Variants in CTBP2 observed in about 807,000 individuals in gnomAD.
CTBP2 encodes the protein C-terminal binding protein 2, also known as C-terminal-binding protein 2.
In CTBP2, 30 loss-of-function variants were observed where a neutral mutation model predicts 80.3. The observed-to-expected ratio is 0.37, with a 90% confidence interval of 0.28 to 0.51. The LOEUF (loss-of-function observed/expected upper bound fraction) is 0.51. Ranked by LOEUF, CTBP2 falls within the 20% of genes least tolerant of loss-of-function variation. The pLI is 0.93. For missense variants in CTBP2, 1,212 were observed against 1,375.3 expected (o/e 0.88, Z 1.88); for synonymous variants, 594 against 587.4 (o/e 1.01, Z -0.16).
intron 1 of CTBP2, among the ~76,000 whole-genome samples, chr10:125,015,641 C>T (rs569084280): frequency 6.6e-6 from 1 of 152,230 alleles, no homozygotes; most frequent in Non-Finnish European, 1.5e-5. Context: ...CCTCAGTGCT[C>T]CCCGAAGCAC....
intron 1 of CTBP2, among the ~76,000 whole-genome samples, chr10:125,020,872 G>T (rs1956971215): frequency 2.0e-5 from 3 of 152,178 alleles, no homozygotes; most frequent in South Asian, 4.1e-4. Context: ...CTCTATGCAA[G>T]GTGGGCTTAC....
chr10:125,038,370 C>T (rs894946497), intron 3 of CTBP2, among the ~76,000 whole-genome samples: 1 of 152,088 alleles, frequency 6.6e-6, no homozygotes, highest in African/African-American at 2.4e-5. Context: ...AGCACTGACC[C>T]CATCTGGCAG....
intron 2 of CTBP2, among the ~76,000 whole-genome samples, chr10:125,061,430 C>A (rs950179486): frequency 2.0e-5 from 3 of 152,122 alleles, no homozygotes; most frequent in Admixed American, 1.3e-4. Flanking sequence ...CAGGGGAAGG[C>A]CAGAGAAGGC....
intron 4 of CTBP2, among the ~76,000 whole-genome samples, chr10:124,995,275 T>C (rs919787011): frequency 6.6e-6 from 1 of 152,218 alleles, no homozygotes; most frequent in Non-Finnish European, 1.5e-5. Context: ...CCTGTCCCAC[T>C]GGTGGGGCCT....
At chr10:125,003,725 C>A (rs573562715) in intron 1 of CTBP2, among the ~76,000 whole-genome samples, 4 of 152,206 alleles carry the variant, frequency 2.6e-5, no homozygotes, top group Non-Finnish European at 2.9e-5. Flanking sequence ...GCTTCCCTGC[C>A]AGCAGACCAT....
At chr10:125,125,455 G>A (rs1342582869) in intron 1 of CTBP2, among the ~76,000 whole-genome samples, 3 of 152,240 alleles carry the variant, frequency 2.0e-5, no homozygotes, top group Non-Finnish European at 2.9e-5. Flanking sequence ...ACAACAGTCT[G>A]GTCTATTCTG....
At chr10:125,133,828 T>C (rs763529759) in intron 1 of CTBP2, among the ~76,000 whole-genome samples, 2 of 152,238 alleles carry the variant, frequency 1.3e-5, no homozygotes, top group Admixed American at 6.5e-5. Context: ...CTCCACACTG[T>C]GAGCTCTTTA....
chr10:125,144,863 A>T (rs908012030), intron 1 of CTBP2, among the ~76,000 whole-genome samples: 10 of 152,336 alleles, frequency 6.6e-5, no homozygotes, highest in African/African-American at 2.4e-4. Context: ...TCTAGCAGGT[A>T]TGCTCTGACA....
chr10:125,041,845 G>T (rs74623210), intron 2 of CTBP2, among the ~76,000 whole-genome samples: 2,719 of 151,502 alleles, frequency 0.018, 85 homozygotes, highest in African/African-American at 0.063. Context: ...ATGGCTTCCT[G>T]AAAAATTGAT....
intron 1 of CTBP2, among the ~76,000 whole-genome samples, chr10:125,003,851 A>G (rs1954880822): frequency 7.2e-6 from 1 of 138,250 alleles, no homozygotes; most frequent in African/African-American, 3.1e-5. Context: ...TGCCCCTCAC[A>G]CACTATGACA....
intron 2 of CTBP2, among the ~76,000 whole-genome samples, chr10:125,106,742 G>T (rs1027261939): frequency 6.6e-6 from 1 of 152,216 alleles, no homozygotes; most frequent in African/African-American, 2.4e-5. Flanking sequence ...GTTGACACAT[G>T]GGTCACAGTG....
intron 2 of CTBP2, among the ~76,000 whole-genome samples, chr10:125,057,294 G>A (rs914135079): frequency 1.3e-5 from 2 of 152,184 alleles, no homozygotes; most frequent in African/African-American, 2.4e-5. Flanking sequence ...TGGGATTTAC[G>A]TGGCTGGGAT....
At chr10:125,130,681 A>G (rs944277355) in intron 1 of CTBP2, among the ~76,000 whole-genome samples, 30 of 152,196 alleles carry the variant, frequency 2.0e-4, no homozygotes, top group Non-Finnish European at 1.5e-5. Context: ...AGGTCAATGC[A>G]GCCTCCACTC....
intron 1 of CTBP2, among the ~76,000 whole-genome samples, chr10:125,139,374 C>CAAAAAAA (rs33963277): frequency 1.0e-5 from 1 of 96,220 alleles, no homozygotes; most frequent in African/African-American, 3.7e-5. Flanking sequence ...TAGACTGTCT[C>CAAAAAAA]AAAAAAAAAA....
At chr10:125,118,501 A>G (rs1397451373) in intron 1 of CTBP2, among the ~76,000 whole-genome samples, 4 of 152,172 alleles carry the variant, frequency 2.6e-5, no homozygotes, top group African/African-American at 4.8e-5. Flanking sequence ...CAGCCCACAC[A>G]ACGACGTCAT....
chr10:124,989,709 C>A lies in CTBP2; in HGVS notation c.2778-11G>T. On this transcript the variant is annotated splice_polypyrimidine_tract_variant and intron_variant, in intron 8 of 8. Coordinates refer to ENST00000309035, the MANE Select transcript of CTBP2 (RefSeq NM_022802.3). ...ATGCCTGGCGGATATCTAAGGAACA[C>A]ACAGAAATAGGGCCTTGTAAGTTCA... 6.4e-7 allele frequency: 1 copy of A among 1,557,362 alleles called. No individual in the cohort carries two copies.
chr10:125,030,444 T>G (rs1958058689), upstream of CTBP2, among the ~76,000 whole-genome samples: 1 of 152,062 alleles, frequency 6.6e-6, no homozygotes. Context: ...TCCAGACAAT[T>G]CCAGAGATGG....
intron 3 of CTBP2, chr10:124,998,453 T>C: frequency 2.1e-6 from 1 of 467,962 alleles, no homozygotes; most frequent in Admixed American, 3.5e-5. Flanking sequence ...TGGGCCTGAC[T>C]GGCTTCCTCC....
At chr10:125,023,327 G>T (rs2134621419) in intron 1 of CTBP2, among the ~76,000 whole-genome samples, 1 of 152,352 alleles carries the variant, frequency 6.6e-6, no homozygotes, top group South Asian at 2.1e-4. Flanking sequence ...CCTGAGCTGA[G>T]CCCTGTGCAG....
Sources: allele counts gnomAD v4.1 joint callset (sites outside exome capture counted in the v4.1 genomes callset), GRCh38; gene constraint gnomAD v4.1.1; transcripts MANE v1.5; gene names NCBI Gene and HGNC (gene_info 2026-07-23, HGNC 2026-07-21).